Variants in ORC4 observed in about 807,000 individuals in gnomAD.
ORC4 encodes the protein origin recognition complex subunit 4.
In ORC4, 55 loss-of-function variants were observed where a neutral mutation model predicts 63.9. The ratio of observed to expected loss-of-function variants is 0.86; its 90% CI spans 0.69 to 1.08. The LOEUF is 1.08. Ranked by LOEUF, ORC4 falls within the 50% of genes least tolerant of loss-of-function variation. The pLI is 0.00. For missense variants in ORC4, 511 were observed against 504.4 expected, an observed-to-expected ratio of 1.01 and a Z score of -0.13; for synonymous variants, 150 against 168.5, an observed-to-expected ratio of 0.89 and a Z score of 0.85.
chr2:147,966,203 A>ATC, intron 4 of ORC4, among the ~76,000 whole-genome samples: 1 of 152,246 alleles, frequency 6.6e-6, no homozygotes, highest in Non-Finnish European at 1.5e-5. Flanking sequence ...AACTTAAGGA[A>ATC]CACACAGCAA....
At position 147,931,793 on chromosome 2, in the gene ORC4, G is replaced by T. The variant is rs1185553894; in HGVS notation, c.*3717C>A. ...AAAAACTCTCAATAAATTAGGGATT[G>T]ATGGGGTGTATTTCAAAATAATAAG... On this transcript the variant is annotated 3_prime_UTR_variant, in exon 14 of 14. Transcript: ENST00000392857. 1 of 151,952 alleles carries T rather than the reference G, an allele frequency of 6.6e-6. No individual in the cohort carries two copies. The highest frequency in any genetic ancestry group is 1.5e-5 in the Non-Finnish European group (1 of 68,034). 9.4% of individuals were successfully genotyped at this position (151,952 alleles called of 1,614,324 possible). A position where few individuals can be genotyped will look rare whatever the true frequency, so the allele number is the denominator to read the frequency against.
intron 1 of ORC4, among the ~76,000 whole-genome samples, chr2:148,014,985 T>C (rs1370472869): frequency 6.6e-6 from 1 of 151,960 alleles, no homozygotes; most frequent in Non-Finnish European, 1.5e-5. Context: ...ACAGTAAGAA[T>C]ATCACCAATA....
chr2:147,987,247 T>G (rs1217190870), intron 1 of ORC4, among the ~76,000 whole-genome samples: 2 of 151,364 alleles, frequency 1.3e-5, no homozygotes, highest in Non-Finnish European at 2.9e-5. Flanking sequence ...CCTATAATTT[T>G]TATTAGGTTA....
intron 1 of ORC4, among the ~76,000 whole-genome samples, chr2:147,977,784 G>T (rs1690654152): frequency 6.6e-6 from 1 of 152,210 alleles, no homozygotes; most frequent in African/African-American, 2.4e-5. Flanking sequence ...CTGTTACCAG[G>T]TGTGTGGATG....
intron 9 of ORC4, among the ~76,000 whole-genome samples, chr2:147,945,389 A>G (rs1688602684): frequency 6.6e-6 from 1 of 151,912 alleles, no homozygotes; most frequent in African/African-American, 2.4e-5. Flanking sequence ...TAAAATGCCT[A>G]CCTTATCTAC....
intron 1 of ORC4, among the ~76,000 whole-genome samples, chr2:147,992,904 T>C: frequency 6.6e-6 from 1 of 152,174 alleles, no homozygotes; most frequent in Admixed American, 6.5e-5. Flanking sequence ...ATTACTCTAA[T>C]GTTCCCTGCC....
At chr2:147,984,417 A>G (rs931686421) in intron 1 of ORC4, among the ~76,000 whole-genome samples, 4 of 152,034 alleles carry the variant, frequency 2.6e-5, no homozygotes, top group African/African-American at 9.7e-5. Context: ...CATACATAAA[A>G]TATATATTAA....
At position 147,955,250 on chromosome 2, in the gene ORC4, CT is replaced by C. The variant is rs201741498; in HGVS notation, c.436+96del. 0.038 allele frequency: 23,448 copies of C among 609,914 alleles called. 161 individuals are homozygous for C. The highest frequency in any genetic ancestry group is 0.086 in the East Asian group (2,467 of 28,638). 37.8% of individuals were successfully genotyped at this position (609,914 alleles called of 1,614,324 possible). A position where few individuals can be genotyped will look rare whatever the true frequency, so the allele number is the denominator to read the frequency against. ...TTAATGTTTCTGTATTTTATGAGAG[CT>C]TTTTTTTTTGGCAAAAGCTTGTATT... is the stretch of plus-strand genomic sequence containing the variant. On this transcript the variant is annotated intron_variant, in intron 7 of 13. Coordinates refer to ENST00000392857, the MANE Select transcript of ORC4 (RefSeq NM_181741.4).
chr2:148,020,302 A>G (rs1443550897), intron 1 of ORC4, among the ~76,000 whole-genome samples: 2 of 152,170 alleles, frequency 1.3e-5, no homozygotes, highest in Non-Finnish European at 2.9e-5. Flanking sequence ...TGCAGTCATG[A>G]GGGTCAATTG....
intron 1 of ORC4, among the ~76,000 whole-genome samples, chr2:147,979,772 A>T (rs760686666): frequency 2.0e-5 from 3 of 152,172 alleles, no homozygotes; most frequent in Admixed American, 6.5e-5. Flanking sequence ...ATAAATCCAT[A>T]CTTTTACAGT....
intron 13 of ORC4, chr2:147,937,881 T>TA: frequency 2.1e-6 from 1 of 474,626 alleles, no homozygotes; most frequent in Non-Finnish European, 3.8e-6. Flanking sequence ...GGAAAGGTTA[T>TA]ATCACACACT....
intron 1 of ORC4, among the ~76,000 whole-genome samples, chr2:148,017,394 G>A (rs1209747858): frequency 3.9e-5 from 6 of 152,290 alleles, no homozygotes; most frequent in African/African-American, 9.6e-5. Context: ...AGCTAATGCC[G>A]GGTGCAGTGG....
chr2:147,936,257 G>C (rs987529572), intron 13 of ORC4: 1 of 154,680 alleles, frequency 6.5e-6, no homozygotes, highest in African/African-American at 2.4e-5. Flanking sequence ...AGAAGGGACA[G>C]GCTCCTGTTT....
chr2:148,014,669 G>GTATATTTTT (rs944306492), intron 1 of ORC4, among the ~76,000 whole-genome samples: 2 of 151,940 alleles, frequency 1.3e-5, no homozygotes, highest in Non-Finnish European at 2.9e-5. Flanking sequence ...AAAAATACAT[G>GTATATTTTT]TATATTTTTA....
intron 6 of ORC4, among the ~76,000 whole-genome samples, chr2:147,956,518 T>C (rs1379782658): frequency 2.6e-5 from 4 of 152,118 alleles, no homozygotes; most frequent in African/African-American, 9.7e-5. Context: ...TGGGTTGAAT[T>C]AAGTGACTTA....
chr2:147,943,109 A>G (rs1428047487), intron 10 of ORC4, among the ~76,000 whole-genome samples: 1 of 152,152 alleles, frequency 6.6e-6, no homozygotes, highest in African/African-American at 2.4e-5. Context: ...AAGTAATCAA[A>G]CAAGAAATCA....
At chr2:147,952,560 T>C in intron 7 of ORC4, 36 bp from the exon 8 acceptor site, 1 of 1,495,778 alleles carries the variant, frequency 6.7e-7, no homozygotes, top group South Asian at 1.1e-5. Context: ...TAATAAGAAA[T>C]TATATCCACC....
At chr2:147,940,830 A>G (rs1473039215) in intron 10 of ORC4, among the ~76,000 whole-genome samples, 2 of 152,114 alleles carry the variant, frequency 1.3e-5, no homozygotes, top group Admixed American at 6.6e-5. Flanking sequence ...ACAAAGGCAT[A>G]AATTTTTTTT....
At chr2:147,960,910 G>T (rs191207185) in intron 4 of ORC4, among the ~76,000 whole-genome samples, 1 of 152,128 alleles carries the variant, frequency 6.6e-6, no homozygotes, top group Admixed American at 6.5e-5. Flanking sequence ...GTATTTTCTA[G>T]GGGTCAATCT....
Sources: gnomAD v4.1 joint callset for allele counts (sites outside exome capture counted in the v4.1 genomes callset) on GRCh38, gnomAD v4.1.1 for gene constraint, MANE v1.5 for transcripts, NCBI Gene and HGNC (gene_info 2026-07-23, HGNC 2026-07-21) for gene names.